Variants in SLC5A3 observed in about 807,000 individuals in gnomAD.
The protein encoded by SLC5A3 is sodium/myo-inositol cotransporter.
A neutral mutation model predicts 43.2 loss-of-function variants in SLC5A3; 10 were observed. That is an observed-to-expected ratio of 0.23 (90% confidence interval 0.14 to 0.39). The LOEUF (loss-of-function observed/expected upper bound fraction) is 0.39, where lower values mean the gene tolerates loss of function less well. Ranked by LOEUF, SLC5A3 falls within the 10% of genes least tolerant of loss-of-function variation. SLC5A3 has a pLI of 1.00. For synonymous variants in SLC5A3, 349 were observed against 322.0 expected (o/e 1.08, Z -0.90); for missense variants, 608 against 893.4 (o/e 0.68, Z 4.07).
In SLC5A3 at chr21:34,103,447, T is replaced by TA. The variant is rs1289336183; in HGVS notation, c.*6095dup. On this transcript the variant is annotated 3_prime_UTR_variant, in exon 2 of 2. Coordinates refer to ENST00000381151, the MANE Select transcript of SLC5A3 (RefSeq NM_006933.7). Reference sequence around the variant, plus strand: ...GTTTCTTTTATATCCATTAAAAACTTAAAGTTACTTATGTTCTGTGATCTT... The same window carrying TA: ...GTTTCTTTTATATCCATTAAAAACTTAAAAGTTACTTATGTTCTGTGATCTT... 2.0e-6 allele frequency: 2 copies of TA among 998,698 alleles called. No homozygotes were observed. The highest frequency in any genetic ancestry group is 1.7e-5 in the African/African-American group (1 of 57,200). 61.9% of individuals were successfully genotyped at this position (998,698 alleles called of 1,614,324 possible).
chr21:34,089,768 A>G (rs1440606385), intron 1 of SLC5A3, among the ~76,000 whole-genome samples: 2 of 152,204 alleles, frequency 1.3e-5, no homozygotes, highest in African/African-American at 4.8e-5. Context: ...ACCCATCAGA[A>G]TACAGCTTCA....
chr21:34,100,635 A>G lies in SLC5A3; in HGVS notation c.*3280A>G. 2 of 1,000,042 alleles carry G rather than the reference A, an allele frequency of 2.0e-6. No individual in the cohort carries two copies. The highest frequency in any genetic ancestry group is 1.1e-4 in the East Asian group (1 of 8,796). The allele number at this position is 1,000,042 out of a possible 1,614,324, so 61.9% of individuals were successfully genotyped here. ...CTCAAGAAATTAGCTGGGACCCATC[A>G]CTCTGTGAAACTTCACATTTTAAGA... On this transcript the variant is annotated 3_prime_UTR_variant, in exon 2 of 2. Coordinates refer to ENST00000381151, the MANE Select transcript of SLC5A3 (RefSeq NM_006933.7).
At chr21:34,077,279 A>G (rs1456464976) in intron 1 of SLC5A3, among the ~76,000 whole-genome samples, 1 of 152,212 alleles carries the variant, frequency 6.6e-6, no homozygotes, top group Non-Finnish European at 1.5e-5. Context: ...AAAAAATGAA[A>G]CTTTGTAGAC....
chr21:34,102,248 C>G lies in SLC5A3; in HGVS notation c.*4893C>G, dbSNP rs187620597. 1.0e-6 allele frequency: 1 copy of G among 999,404 alleles called. No individual in the cohort carries two copies. Among genetic ancestry groups the G allele is most frequent in the Non-Finnish European group, 1.2e-6 (1 of 829,556 alleles). 61.9% of individuals were successfully genotyped at this position (999,404 alleles called of 1,614,324 possible). On this transcript the variant is annotated 3_prime_UTR_variant, in exon 2 of 2. Coordinates refer to ENST00000381151, the MANE Select transcript of SLC5A3 (RefSeq NM_006933.7). ...TAACTGGCTTTGCCAGTGGTGAGTC[C>G]CACACCATTATTCACTTAGTAGTCA...
At position 34,104,436 on chromosome 21, in the gene SLC5A3, A is replaced by G. The variant is rs1483528750; in HGVS notation, c.*7081A>G. On this transcript the variant is annotated 3_prime_UTR_variant, in exon 2 of 2. Coordinates refer to ENST00000381151, the MANE Select transcript of SLC5A3 (RefSeq NM_006933.7). ...AATGTCTTTGTCTTAAATTTTGCCC[A>G]TGTGTTAAAAGATGTAATTCTCAGA... 14 of 999,958 alleles carry G rather than the reference A, an allele frequency of 1.4e-5. No individual in the cohort carries two copies. In the South Asian group the frequency reaches 1.4e-4, roughly 10 times the overall value. 61.9% of individuals were successfully genotyped at this position (999,958 alleles called of 1,614,324 possible). A position where few individuals can be genotyped will look rare whatever the true frequency, so the allele number is the denominator to read the frequency against.
chr21:34,084,396 G>GA (rs375220115), intron 1 of SLC5A3, among the ~76,000 whole-genome samples: 3 of 151,664 alleles, frequency 2.0e-5, no homozygotes, highest in Non-Finnish European at 2.9e-5. Flanking sequence ...ACTGAGAACA[G>GA]AAAAAAAACA....
Position 34,104,811 on chromosome 21 carries a change from A to G in SLC5A3, c.*7456A>G, listed in dbSNP as rs941597112. 27 of 999,950 alleles carry G rather than the reference A, an allele frequency of 2.7e-5. No individual in the cohort carries two copies. The South Asian group carries it at 4.2e-4, about 16-fold the overall frequency. The allele number at this position is 999,950 out of a possible 1,614,324, so 61.9% of individuals were successfully genotyped here. ...TTATAACCTGTTAATCCTACGTACTATGTGTTCTGTACCTTTACATGTTTT... is the reference window on the plus strand; with the variant it reads ...TTATAACCTGTTAATCCTACGTACTGTGTGTTCTGTACCTTTACATGTTTT... On this transcript the variant is annotated 3_prime_UTR_variant, in exon 2 of 2. Transcript: ENST00000381151.
In SLC5A3 at chr21:34,097,743, T is replaced by C. The variant is rs4817619; in HGVS notation, c.*388T>C. 23 of 999,302 alleles carry C rather than the reference T, an allele frequency of 2.3e-5. No homozygotes were observed. Among genetic ancestry groups the C allele is most frequent in the Non-Finnish European group, 2.8e-5 (23 of 828,544 alleles). 61.9% of individuals were successfully genotyped at this position (999,302 alleles called of 1,614,324 possible). Reference sequence around the variant, plus strand: ...AGTAGAAGATTTGCTCATTTCTAAATTTTTTTTTCTGTCTCTGTAATCCCT... The same window carrying C: ...AGTAGAAGATTTGCTCATTTCTAAACTTTTTTTTCTGTCTCTGTAATCCCT... On this transcript the variant is annotated 3_prime_UTR_variant, in exon 2 of 2. Coordinates refer to ENST00000381151, the MANE Select transcript of SLC5A3 (RefSeq NM_006933.7).
chr21:34,104,792 C>T lies in SLC5A3; in HGVS notation c.*7437C>T. 2.0e-6 allele frequency: 2 copies of T among 1,000,166 alleles called. No individual in the cohort carries two copies. Among genetic ancestry groups the T allele is most frequent in the Non-Finnish European group, 2.4e-6 (2 of 829,912 alleles). 62.0% of individuals were successfully genotyped at this position (1,000,166 alleles called of 1,614,324 possible). A position where few individuals can be genotyped will look rare whatever the true frequency, so the allele number is the denominator to read the frequency against. ...ATGTGATAATGCAAAGCTGTTATAA[C>T]CTGTTAATCCTACGTACTATGTGTT... On this transcript the variant is annotated 3_prime_UTR_variant, in exon 2 of 2. Transcript: ENST00000381151.
intron 1 of SLC5A3, among the ~76,000 whole-genome samples, chr21:34,088,067 A>G (rs142032481): frequency 1.3e-5 from 2 of 152,346 alleles, no homozygotes; most frequent in Admixed American, 6.5e-5. Context: ...ACAGGCAACT[A>G]CAACACTTCA....
In SLC5A3 at chr21:34,100,101, T is replaced by A. The variant is rs1602935141; in HGVS notation, c.*2746T>A. 1.0e-6 allele frequency: 1 copy of A among 999,226 alleles called. No individual in the cohort carries two copies. Among genetic ancestry groups the A allele is most frequent in the Non-Finnish European group, 1.2e-6 (1 of 829,158 alleles). The allele number at this position is 999,226 out of a possible 1,614,324, so 61.9% of individuals were successfully genotyped here. ...TGTATATTTTTATATTAGCTCAAGC[T>A]AAGGTTCAGAATTGAAGCTTGATAT... On this transcript the variant is annotated 3_prime_UTR_variant, in exon 2 of 2. Transcript: ENST00000381151.
intron 1 of SLC5A3, among the ~76,000 whole-genome samples, chr21:34,078,430 T>TA (rs1451536734): frequency 6.6e-6 from 1 of 152,106 alleles, no homozygotes; most frequent in Non-Finnish European, 1.5e-5. Flanking sequence ...CCTCACCAGA[T>TA]ATGGTTTGTA....
chr21:34,076,627 TAAA>T (rs960267733), intron 1 of SLC5A3, among the ~76,000 whole-genome samples: 1 of 152,228 alleles, frequency 6.6e-6, no homozygotes, highest in Non-Finnish European at 1.5e-5. Flanking sequence ...GCTTGATTTT[TAAA>T]AAAGTGTGTA....
In SLC5A3 at chr21:34,105,912, A is replaced by G. The variant is rs965105502; in HGVS notation, c.*8557A>G. The G allele has an allele frequency of 2.0e-6, 2 of 986,146 alleles. No homozygotes were observed. Among genetic ancestry groups the G allele is most frequent in the African/African-American group, 1.8e-5 (1 of 56,956 alleles). The allele number at this position is 986,146 out of a possible 1,614,324, so 61.1% of individuals were successfully genotyped here. A position where few individuals can be genotyped will look rare whatever the true frequency, so the allele number is the denominator to read the frequency against. ...AAATCATGACAATTCTAACTTGTCT[A>G]TTCTAACCTATTGTGTACAATCTGA... On this transcript the variant is annotated 3_prime_UTR_variant, in exon 2 of 2. Coordinates refer to ENST00000381151, the MANE Select transcript of SLC5A3 (RefSeq NM_006933.7).
At chr21:34,076,745 G>A (rs1407638480) in intron 1 of SLC5A3, among the ~76,000 whole-genome samples, 1 of 152,178 alleles carries the variant, frequency 6.6e-6, no homozygotes, top group African/African-American at 2.4e-5. Context: ...GTGAAACTAG[G>A]CCTTTAAAGG....
At chr21:34,074,352 C>G (rs1270712547) in intron 1 of SLC5A3, among the ~76,000 whole-genome samples, 4 of 152,202 alleles carry the variant, frequency 2.6e-5, no homozygotes, top group African/African-American at 4.8e-5. Context: ...TTTGACTTTT[C>G]TTTTTCTGAC....
intron 1 of SLC5A3, among the ~76,000 whole-genome samples, chr21:34,089,103 T>C (rs144089375): frequency 2.0e-5 from 3 of 151,768 alleles, no homozygotes; most frequent in Non-Finnish European, 4.4e-5. Flanking sequence ...CTCGGCTCAC[T>C]GCAACCTCCA....
chr21:34,090,667 G>A (rs931595355), intron 1 of SLC5A3, among the ~76,000 whole-genome samples: 2 of 152,140 alleles, frequency 1.3e-5, no homozygotes, highest in Non-Finnish European at 2.9e-5. Flanking sequence ...GACATTTACT[G>A]AGCCACCTCC....
chr21:34,088,646 T>G (rs1326697048), intron 1 of SLC5A3, among the ~76,000 whole-genome samples: 4 of 152,222 alleles, frequency 2.6e-5, no homozygotes, highest in African/African-American at 9.6e-5. Flanking sequence ...GCATAGTGAT[T>G]AAGGGCAAAA....
Sources: gnomAD v4.1 joint callset for allele counts (sites outside exome capture counted in the v4.1 genomes callset) on GRCh38, gnomAD v4.1.1 for gene constraint, MANE v1.5 for transcripts, NCBI Gene and HGNC (gene_info 2026-07-23, HGNC 2026-07-21) for gene names.